RPUSD2: variants seen among roughly 807,000 people sequenced by gnomAD.
RPUSD2 encodes the protein pseudouridylate synthase RPUSD2.
In RPUSD2, 31 loss-of-function variants were observed where a neutral mutation model predicts 41.5. The ratio of observed to expected loss-of-function variants is 0.75; its 90% CI spans 0.56 to 1.01. The LOEUF (loss-of-function observed/expected upper bound fraction) is 1.01, where lower values mean the gene tolerates loss of function less well. Ranked by LOEUF, RPUSD2 falls within the 50% of genes least tolerant of loss-of-function variation. The pLI, the probability that RPUSD2 is intolerant of heterozygous loss-of-function variation, is 0.00. For missense variants in RPUSD2, 749 were observed against 724.7 expected, an observed-to-expected ratio of 1.03 and a Z score of -0.38; for synonymous variants, 305 against 289.7, an observed-to-expected ratio of 1.05 and a Z score of -0.54.
chr15:40,570,144 G>A (rs1483610431), intron 1 of RPUSD2: 1 of 635,292 alleles, frequency 1.6e-6, no homozygotes, highest in Admixed American at 3.6e-5. Context: ...CTGTGCTTCA[G>A]GACTCAGCCT....
intron 1 of RPUSD2, among the ~76,000 whole-genome samples, chr15:40,570,262 C>T (rs146673702): frequency 2.2e-3 from 328 of 152,232 alleles, no homozygotes; most frequent in Admixed American, 4.9e-3. Flanking sequence ...ATCACTTTAC[C>T]CTGCGTTGTA....
Position 40,569,610 on chromosome 15 carries a change from T to A in RPUSD2, c.273T>A (p.Ala91=). 1.2e-5 allele frequency: 19 copies of A among 1,535,264 alleles called. No individual in the cohort carries two copies. Among genetic ancestry groups the A allele is most frequent in the Non-Finnish European group, 1.7e-5 (19 of 1,140,076 alleles). The change falls in exon 1 of 3, where the codon GCT becomes GCA. Residue 91 remains alanine (A), a synonymous_variant. Coordinates refer to ENST00000315616, the MANE Select transcript of RPUSD2 (RefSeq NM_152260.3). ...CAGTAGGCGGGGAGCATCCCTCGGC[T>A]GCAGCCCCAGGCCCGGGCAAGCATA... ...PAPVGGEHPS[A]AAPGPGKHKK...
chr15:40,572,214 G>A (rs1228085436), intron 2 of RPUSD2, among the ~76,000 whole-genome samples: 2 of 146,996 alleles, frequency 1.4e-5, no homozygotes, highest in Non-Finnish European at 3.0e-5. Flanking sequence ...GATAGCTTGA[G>A]CCCAGGAGGT....
rs1426316123 is a variant in RPUSD2, at chr15:40,569,317, TG to T, written c.-19del. On this transcript the variant is annotated 5_prime_UTR_variant, in exon 1 of 3. Coordinates refer to ENST00000315616, the MANE Select transcript of RPUSD2 (RefSeq NM_152260.3). The stretch of plus-strand genomic sequence containing the variant: ...CGTCCTCAGATCGCGACCCTGGGAG[TG>T]GAGTGGGGGCAGCGTGGTTATGTGG... 1 of 1,411,210 alleles carries T rather than the reference TG, an allele frequency of 7.1e-7. No homozygotes were observed. Among genetic ancestry groups the T allele is most frequent in the African/African-American group, 1.5e-5 (1 of 68,074 alleles). 87.4% of individuals were successfully genotyped at this position (1,411,210 alleles called of 1,614,324 possible). A position where few individuals can be genotyped will look rare whatever the true frequency, so the allele number is the denominator to read the frequency against.
At chr15:40,571,260 G>T (rs1891131701) in intron 1 of RPUSD2, among the ~76,000 whole-genome samples, 3 of 152,154 alleles carry the variant, frequency 2.0e-5, no homozygotes, top group Admixed American at 1.3e-4. Flanking sequence ...GGGATTAGAG[G>T]CGTGAGCCAC....
At position 40,573,538 on chromosome 15, in the gene RPUSD2, G is replaced by A. The variant is rs1221770509; in HGVS notation, c.915G>A (p.Glu305=). ...EQVRDRQLEK[E]YVCRVEGEFP... is the part of the protein sequence containing the mutation. ...TCCCTCCTATGTAGCTGGAGAAGGA[G>A]TACGTGTGCCGGGTGGAAGGGGAGT... Residue 305 remains glutamate (E), a synonymous_variant, in exon 3 of 3, where the codon GAG becomes GAA. Coordinates refer to ENST00000315616, the MANE Select transcript of RPUSD2 (RefSeq NM_152260.3). 1.2e-6 allele frequency: 2 copies of A among 1,612,350 alleles called. No homozygotes were observed. Among genetic ancestry groups the A allele is most frequent in the Admixed American group, 1.7e-5 (1 of 59,944 alleles).
chr15:40,573,092 C>T (rs1891177309), intron 2 of RPUSD2, among the ~76,000 whole-genome samples: 1 of 136,040 alleles, frequency 7.4e-6, no homozygotes, highest in Non-Finnish European at 1.5e-5. Context: ...TGGTGTGATC[C>T]TGGCTCACTG....
Position 40,571,652 on chromosome 15 carries a change from A to G in RPUSD2, c.655A>G (p.Thr219Ala). 1 of 1,614,236 alleles carries G rather than the reference A, an allele frequency of 6.2e-7. No homozygotes were observed. Among genetic ancestry groups the G allele is most frequent in the Non-Finnish European group, 8.5e-7 (1 of 1,180,026 alleles). ...NTVHRHEPPV[T>A]AEPIRLLAEN... ...AGTGCACAGGCATGAGCCACCAGTC[A>G]CAGCAGAGCCCATTCGCCTGCTAGC... is the stretch of plus-strand genomic sequence containing the variant. The change falls in exon 2 of 3, where the codon ACA becomes GCA. Residue 219 changes from threonine (T) to alanine (A), a missense_variant. Thr to Ala is a moderately conservative substitution (Grantham distance 58). Coordinates refer to ENST00000315616, the MANE Select transcript of RPUSD2 (RefSeq NM_152260.3).
intron 1 of RPUSD2, chr15:40,570,179 T>G: frequency 6.1e-6 from 3 of 488,810 alleles, no homozygotes; most frequent in Admixed American, 3.9e-5. Context: ...TCAAGGCAGC[T>G]TCCTTGTTTC....
rs1231055755 is a variant in RPUSD2, at chr15:40,573,664, G to T, written c.1041G>T (p.Val347=). 2 of 1,543,578 alleles carry T rather than the reference G, an allele frequency of 1.3e-6. No homozygotes were observed. The highest frequency in any genetic ancestry group is 8.7e-7 in the Non-Finnish European group (1 of 1,143,874). Residue 347 remains valine (V), a synonymous_variant, in exon 3 of 3, where the codon GTG becomes GTT. Coordinates refer to ENST00000315616, the MANE Select transcript of RPUSD2 (RefSeq NM_152260.3). ...CCCGGGGCAAGCCCTGTGAGACAGTGTTCCAGAGGCTAAGCTACAATGGCC... is the reference window on the plus strand; with the variant it reads ...CCCGGGGCAAGCCCTGTGAGACAGTTTTCCAGAGGCTAAGCTACAATGGCC... ...VDPRGKPCET[V]FQRLSYNGQS... is the part of the protein sequence containing the mutation.
At position 40,569,470 on chromosome 15, in the gene RPUSD2, A is replaced by G; in HGVS notation, c.133A>G (p.Thr45Ala). ...MAETVSTQVG[T>A]EGGLRASHQQ... Reference sequence around the variant, plus strand: ...AGAAACAGTGTCTACCCAGGTTGGGACAGAGGGCGGGCTGAGGGCTTCGCA... The same window carrying G: ...AGAAACAGTGTCTACCCAGGTTGGGGCAGAGGGCGGGCTGAGGGCTTCGCA... Residue 45 changes from threonine to alanine, a missense_variant, in exon 1 of 3, where the codon ACA becomes GCA. By Grantham distance (58) the Thr-to-Ala change is moderately conservative. Coordinates refer to ENST00000315616, the MANE Select transcript of RPUSD2 (RefSeq NM_152260.3). 6.3e-7 allele frequency: 1 copy of G among 1,574,872 alleles called. No homozygotes were observed. The highest frequency in any genetic ancestry group is 8.6e-7 in the Non-Finnish European group (1 of 1,163,946).
In RPUSD2 at chr15:40,573,822, G is replaced by A. The variant is rs1284515158; in HGVS notation, c.1199G>A (p.Arg400Gln). ...GTTGCCTGGGGTCCTTCTCGAGGCC[G>A]GGGCGGCTACATTCCCAAGACAAAC... ...NSVAWGPSRG[R>Q]GGYIPKTNEE... Residue 400 changes from arginine to glutamine, a missense_variant, in exon 3 of 3, where the codon CGG becomes CAG. Coordinates refer to ENST00000315616, the MANE Select transcript of RPUSD2 (RefSeq NM_152260.3). 19 of 1,614,090 alleles carry A rather than the reference G, an allele frequency of 1.2e-5. No homozygotes were observed. The highest frequency in any genetic ancestry group is 3.3e-4 in the Middle Eastern group (2 of 6,084).
Position 40,569,587 on chromosome 15 carries a change from G to A in RPUSD2, c.250G>A (p.Val84Ile). ...PAGREVEPAP[V>I]GGEHPSAAAP... ...TGGCCGGGAAGTGGAGCCGGCCCCA[G>A]TAGGCGGGGAGCATCCCTCGGCTGC... Residue 84 changes from valine (V) to isoleucine (I), a missense_variant, in exon 1 of 3, where the codon GTA (valine) becomes ATA (isoleucine). Physicochemically the swap from Val to Ile is conservative, Grantham distance 29. Coordinates refer to ENST00000315616, the MANE Select transcript of RPUSD2 (RefSeq NM_152260.3). 5 of 1,535,432 alleles carry A rather than the reference G, an allele frequency of 3.3e-6. No homozygotes were observed. Among genetic ancestry groups the A allele is most frequent in the Non-Finnish European group, 2.6e-6 (3 of 1,141,868 alleles).
rs1891200568 is a variant in RPUSD2, at chr15:40,573,960, C to T, written c.1337C>T (p.Ser446Phe). Residue 446 changes from serine to phenylalanine, a missense_variant, in exon 3 of 3, where the codon TCC becomes TTC. Transcript: ENST00000315616. Reference protein sequence around the residue: ...SPGLTDSTAPSSELGKDDLEE... With the variant: ...SPGLTDSTAPFSELGKDDLEE... Reference sequence around the variant, plus strand: ...GGACTCACAGACTCTACGGCCCCCTCCTCAGAGTTGGGCAAGGACGACCTG... The same window carrying T: ...GGACTCACAGACTCTACGGCCCCCTTCTCAGAGTTGGGCAAGGACGACCTG... 1 of 1,614,132 alleles carries T rather than the reference C, an allele frequency of 6.2e-7. No homozygotes were observed. Among genetic ancestry groups the T allele is most frequent in the Non-Finnish European group, 8.5e-7 (1 of 1,180,030 alleles).
intron 1 of RPUSD2, among the ~76,000 whole-genome samples, chr15:40,570,744 T>C (rs144978870): frequency 1.3e-5 from 2 of 152,290 alleles, no homozygotes; most frequent in East Asian, 3.9e-4. Context: ...CAATATATCA[T>C]ACATTGACGA....
At position 40,569,604 on chromosome 15, in the gene RPUSD2, C is replaced by A. The variant is rs765948593; in HGVS notation, c.267C>A (p.Pro89=). 4.7e-5 allele frequency: 72 copies of A among 1,535,890 alleles called. 1 individual carries two copies. The highest frequency in any genetic ancestry group is 8.8e-7 in the Non-Finnish European group (1 of 1,140,818). ...VEPAPVGGEH[P]SAAAPGPGKH... is the part of the protein sequence containing the mutation. The stretch of plus-strand genomic sequence containing the variant: ...CGGCCCCAGTAGGCGGGGAGCATCC[C>A]TCGGCTGCAGCCCCAGGCCCGGGCA... The change falls in exon 1 of 3, where the codon CCC becomes CCA. Residue 89 remains proline (P), a synonymous_variant. Coordinates refer to ENST00000315616, the MANE Select transcript of RPUSD2 (RefSeq NM_152260.3).
rs772488798 is a variant in RPUSD2 at position 40,569,541 on chromosome 15, C to G, written c.204C>G (p.Ser68=). 5 of 1,536,346 alleles carry G rather than the reference C, an allele frequency of 3.3e-6. No individual in the cohort carries two copies. The African/African-American group carries it at 6.9e-5, about 21-fold the overall frequency. Residue 68 remains serine (S), a synonymous_variant, in exon 1 of 3, where the codon TCC becomes TCG. Coordinates refer to ENST00000315616, the MANE Select transcript of RPUSD2 (RefSeq NM_152260.3). ...GTGGCGACGCGAAGGTTGAGCTGTC[C>G]CCCGGGCCCCCGAAGCCGGCTGGCC... The part of the protein sequence containing the change: ...DAGGDAKVEL[S]PGPPKPAGRE...
chr15:40,572,592 C>T (rs1891166816), intron 2 of RPUSD2, among the ~76,000 whole-genome samples: 1 of 151,052 alleles, frequency 6.6e-6, no homozygotes, highest in Admixed American at 6.6e-5. Flanking sequence ...CTTACCCTGG[C>T]ATGGTGGCAC....
In RPUSD2 at chr15:40,569,337, T is replaced by C; in HGVS notation, c.-1T>C. On this transcript the variant is annotated 5_prime_UTR_variant, in exon 1 of 3. Transcript: ENST00000315616. The stretch of plus-strand genomic sequence containing the variant: ...GGGAGTGGAGTGGGGGCAGCGTGGT[T>C]ATGTGGCTGGACCGCCGCGGATGGC... 1 of 1,464,756 alleles carries C rather than the reference T, an allele frequency of 6.8e-7. No homozygotes were observed. Among genetic ancestry groups the C allele is most frequent in the Non-Finnish European group, 9.0e-7 (1 of 1,108,178 alleles). 90.7% of individuals were successfully genotyped at this position (1,464,756 alleles called of 1,614,324 possible).
Sources: allele counts gnomAD v4.1 joint callset (sites outside exome capture counted in the v4.1 genomes callset), GRCh38; gene constraint gnomAD v4.1.1; transcripts MANE v1.5; gene names NCBI Gene and HGNC (gene_info 2026-07-23, HGNC 2026-07-21).